Variants in DMD observed in about 807,000 individuals in gnomAD.
The protein encoded by DMD is dystrophin.
Under a neutral mutation model 330.1 loss-of-function variants are expected in DMD, and 63 were observed. The ratio of observed to expected loss-of-function variants is 0.19; its 90% CI spans 0.16 to 0.24. The LOEUF (loss-of-function observed/expected upper bound fraction) is 0.24. DMD is among the 10% of genes least tolerant of loss of function. DMD has a pLI of 1.00. For missense variants in DMD, 3,344 were observed against 2,684.1 expected, an observed-to-expected ratio of 1.25 and a Z score of -5.43; for synonymous variants, 1,223 against 959.8, an observed-to-expected ratio of 1.27 and a Z score of -5.07.
Position 31,247,457 on chromosome X carries a change from G to A in DMD, c.9286+13498C>T, listed in dbSNP as rs74362655. 1.4e-4 allele frequency among the ~76,000 whole-genome samples: 15 copies of A among 109,561 alleles called. No individual in the cohort carries two copies. In the South Asian group the frequency reaches 1.6e-3, roughly 12 times the overall value. On this transcript the variant is annotated intron_variant, in intron 63 of 78. Coordinates refer to ENST00000357033, the MANE Select transcript of DMD (RefSeq NM_004006.3). ...TCTACTAAAAATACAAAAATTAGCC[G>A]GGCGTAGTGGCACACGCCTGTAGTC...
At chrX:32,011,251 G>A (rs983530752) in intron 44 of DMD, among the ~76,000 whole-genome samples, 2 of 111,929 alleles carry the variant, frequency 1.8e-5, no homozygotes, top group Non-Finnish European at 1.9e-5. Context: ...AATCTTATTC[G>A]TAGGACAGCC....
chrX:33,078,380 G>A (rs5928170), intron 1 of DMD, among the ~76,000 whole-genome samples: 9,632 of 111,825 alleles, frequency 0.086, 304 homozygotes, highest in Middle Eastern at 0.11. Context: ...CTTATTGCAC[G>A]TATGCAATTA....
intron 67 of DMD, among the ~76,000 whole-genome samples, chrX:31,195,000 A>C (rs2042738842): frequency 8.9e-6 from 1 of 112,132 alleles, no homozygotes; most frequent in Non-Finnish European, 1.9e-5. Flanking sequence ...GAGTCCCCAC[A>C]TGCGCAGAAG....
At chrX:33,048,662 C>G (rs2094416786) in intron 1 of DMD, among the ~76,000 whole-genome samples, 2 of 93,350 alleles carry the variant, frequency 2.1e-5, no homozygotes, top group South Asian at 1.1e-3. Flanking sequence ...CTACTGCACT[C>G]CAGCCTGGCT....
At chrX:32,479,943 A>G (rs1482744876) in intron 21 of DMD, among the ~76,000 whole-genome samples, 3 of 111,394 alleles carry the variant, frequency 2.7e-5, no homozygotes, top group Non-Finnish European at 5.7e-5. Flanking sequence ...CCTGCACAGG[A>G]AAGGAAACTA....
intron 55 of DMD, among the ~76,000 whole-genome samples, chrX:31,510,842 G>C (rs2071459587): frequency 9.0e-6 from 1 of 110,526 alleles, no homozygotes; most frequent in Admixed American, 9.7e-5. Context: ...TTTAGCATTG[G>C]GCATCCTGGA....
intron 61 of DMD, among the ~76,000 whole-genome samples, chrX:31,330,417 A>C (rs2057055569): frequency 8.9e-6 from 1 of 111,993 alleles, no homozygotes; most frequent in African/African-American, 3.2e-5. Flanking sequence ...GTGTAGAAGA[A>C]GAAGATGTAT....
At chrX:32,373,399 T>C (rs980589500) in intron 34 of DMD, among the ~76,000 whole-genome samples, 1 of 108,382 alleles carries the variant, frequency 9.2e-6, no homozygotes, top group Non-Finnish European at 1.9e-5. Flanking sequence ...AGTTTGAATA[T>C]GTTCTGTGAA....
intron 43 of DMD, among the ~76,000 whole-genome samples, chrX:32,230,452 G>A (rs1401873481): frequency 9.0e-6 from 1 of 110,826 alleles, no homozygotes; most frequent in Non-Finnish European, 1.9e-5. Context: ...TCACCTTGTT[G>A]GCCAGGACGG....
At chrX:33,198,099 T>C (rs1372829309) in intron 1 of DMD, among the ~76,000 whole-genome samples, 1 of 111,579 alleles carries the variant, frequency 9.0e-6, no homozygotes, top group Admixed American at 9.6e-5. Flanking sequence ...ACTGTTTTTC[T>C]TTTTTTAATT....
At chrX:32,640,933 C>A (rs891978208) in intron 11 of DMD, among the ~76,000 whole-genome samples, 1 of 111,437 alleles carries the variant, frequency 9.0e-6, no homozygotes, top group Non-Finnish European at 1.9e-5. Flanking sequence ...ATTTCAACCC[C>A]ATCTCAGACC....
intron 60 of DMD, among the ~76,000 whole-genome samples, chrX:31,356,533 A>G (rs868109224): frequency 3.6e-5 from 4 of 111,454 alleles, no homozygotes; most frequent in African/African-American, 9.8e-5. Context: ...TGCCAGCCCA[A>G]CGCTTCTCCA....
intron 29 of DMD, among the ~76,000 whole-genome samples, chrX:32,429,060 G>A (rs73619080): frequency 0.14 from 15,608 of 110,196 alleles, 913 homozygotes; most frequent in African/African-American, 0.19. Context: ...TTCCATTTTC[G>A]ATATATGTGT....
intron 7 of DMD, among the ~76,000 whole-genome samples, chrX:32,786,821 A>C (rs2075395989): frequency 8.9e-6 from 1 of 111,947 alleles, no homozygotes; most frequent in African/African-American, 3.2e-5. Context: ...CAATTTACAT[A>C]AACTCTTCAG....
chrX:31,338,067 T>C (rs777918792), intron 61 of DMD, among the ~76,000 whole-genome samples: 3 of 110,799 alleles, frequency 2.7e-5, no homozygotes, highest in South Asian at 3.9e-4. Flanking sequence ...TAAGGCCTCA[T>C]TGGTCCTTTC....
chrX:32,517,983 A>G (rs1428262628), intron 18 of DMD, 25 bp downstream of exon 18: 12 of 1,205,355 alleles, frequency 1.0e-5, no homozygotes, highest in Non-Finnish European at 1.3e-5. Flanking sequence ...ATGAGTACAG[A>G]TATAAAAATT....
At chrX:31,952,964 C>T (rs1344157430) in intron 45 of DMD, among the ~76,000 whole-genome samples, 2 of 112,033 alleles carry the variant, frequency 1.8e-5, no homozygotes, top group African/African-American at 6.5e-5. Flanking sequence ...AACTGTATGC[C>T]TAGTTTCCTA....
chrX:31,456,329 G>A (rs1261882853), intron 59 of DMD, among the ~76,000 whole-genome samples: 1 of 111,888 alleles, frequency 8.9e-6, no homozygotes, highest in African/African-American at 3.2e-5. Context: ...GCTAGTCCAG[G>A]GAGACTCTGC....
chrX:31,631,421 C>T (rs2079129309), intron 54 of DMD, among the ~76,000 whole-genome samples: 1 of 110,948 alleles, frequency 9.0e-6, no homozygotes, highest in Non-Finnish European at 1.9e-5. Flanking sequence ...AGACGGGCTG[C>T]ACGTATTGGT....
Sources: gnomAD v4.1 joint callset for allele counts (sites outside exome capture counted in the v4.1 genomes callset) on GRCh38, gnomAD v4.1.1 for gene constraint, MANE v1.5 for transcripts, NCBI Gene and HGNC (gene_info 2026-07-23, HGNC 2026-07-21) for gene names.